CRTAC1: variants seen among roughly 807,000 people sequenced by gnomAD.
CRTAC1 encodes cartilage acidic protein 1.
In CRTAC1, 37 loss-of-function variants were observed where a neutral mutation model predicts 67.8. The observed-to-expected ratio is 0.55, with a 90% CI of 0.42 to 0.72. The LOEUF is 0.72. CRTAC1 is among the 30% of genes least tolerant of loss of function. The pLI, the probability that CRTAC1 is intolerant of heterozygous loss-of-function variation, is 0.00. For missense variants in CRTAC1, 780 were observed against 931.6 expected, an observed-to-expected ratio of 0.84 and a Z score of 2.12; for synonymous variants, 348 against 371.0, an observed-to-expected ratio of 0.94 and a Z score of 0.71.
intron 2 of CRTAC1, among the ~76,000 whole-genome samples, chr10:97,954,081 G>A (rs2051402641): frequency 1.3e-5 from 2 of 152,204 alleles, no homozygotes; most frequent in African/African-American, 4.8e-5. Flanking sequence ...CTTTGCAGCT[G>A]AGGAGCGTGG....
At chr10:97,991,200 T>C (rs1442531062) in intron 2 of CRTAC1, among the ~76,000 whole-genome samples, 1 of 150,822 alleles carries the variant, frequency 6.6e-6, no homozygotes, top group African/African-American at 2.4e-5. Context: ...GCCCAGGAGT[T>C]TGAGGCCAGC....
chr10:97,942,835 G>C (rs1041108687), intron 2 of CRTAC1, among the ~76,000 whole-genome samples: 1 of 151,880 alleles, frequency 6.6e-6, no homozygotes, highest in Admixed American at 6.6e-5. Context: ...AGGAGGCCGA[G>C]ATAGGAGGAT....
Position 97,908,000 on chromosome 10 carries a change from T to C in CRTAC1, c.850+13A>G, listed in dbSNP as rs757250923. On this transcript the variant is annotated intron_variant, in intron 6 of 14. Transcript: ENST00000370597. ...GGGGTCAGGGTGCACAGGGCATGGC[T>C]GCCTCCACTCACCAGCACTGGCCGC... 12 of 1,613,788 alleles carry C rather than the reference T, an allele frequency of 7.4e-6. No homozygotes were observed. Among genetic ancestry groups the C allele is most frequent in the South Asian group, 2.2e-5 (2 of 91,040 alleles).
intron 4 of CRTAC1, among the ~76,000 whole-genome samples, chr10:97,921,179 G>A (rs10883019): frequency 0.79 from 119,802 of 152,056 alleles, 47,351 homozygotes; most frequent in East Asian, 0.92. Flanking sequence ...GGAGTGGGGC[G>A]GGGCCTGAGA....
Position 97,975,048 on chromosome 10 carries a change from C to T in CRTAC1, c.224+36090G>A, listed in dbSNP as rs186675106. Among the ~76,000 whole-genome samples, 1 of 151,722 alleles carries T rather than the reference C, an allele frequency of 6.6e-6. No individual in the cohort carries two copies. The highest frequency in any genetic ancestry group is 2.4e-5 in the African/African-American group (1 of 41,298). On this transcript the variant is annotated intron_variant, in intron 2 of 14. Transcript: ENST00000370597. The surrounding 1 kb of genome is among the most constrained non-coding windows in gnomAD (Gnocchi z 4.8). ...AGGCCGGAGCGCGGGCAGGGACTGG[C>T]GCGGGATCGATTCCCGGGTGGCGGT...
intron 3 of CRTAC1, among the ~76,000 whole-genome samples, chr10:97,932,752 G>A (rs192177594): frequency 9.8e-5 from 15 of 152,326 alleles, no homozygotes; most frequent in Non-Finnish European, 1.6e-4. Flanking sequence ...GGTGCTGTAA[G>A]CGATGGGAAG....
chr10:97,980,557 G>A (rs1480862310), intron 2 of CRTAC1, among the ~76,000 whole-genome samples: 2 of 152,224 alleles, frequency 1.3e-5, no homozygotes, highest in Admixed American at 1.3e-4. Context: ...GACTAATGAG[G>A]TGATAGTGTC....
chr10:97,884,464 T>G, intron 11 of CRTAC1, 113 bp from the exon 12 acceptor site: 7 of 1,000,872 alleles, frequency 7.0e-6, no homozygotes, highest in Non-Finnish European at 1.0e-5. Flanking sequence ...TGAGCACTGT[T>G]CTAAGTGCTA....
At chr10:97,905,191 T>C (rs779312879) in intron 6 of CRTAC1, among the ~76,000 whole-genome samples, 4 of 152,136 alleles carry the variant, frequency 2.6e-5, no homozygotes, top group Non-Finnish European at 4.4e-5. Flanking sequence ...GCCACTCTTT[T>C]GCTTAAGCTG....
intron 2 of CRTAC1, among the ~76,000 whole-genome samples, chr10:98,000,660 G>A (rs1056881177): frequency 6.6e-6 from 1 of 152,234 alleles, no homozygotes; most frequent in Non-Finnish European, 1.5e-5. Context: ...GGGCAAAAGC[G>A]CCACCAGCCA....
At position 97,895,429 on chromosome 10, in the gene CRTAC1, G is replaced by C. The variant is rs1401230127; in HGVS notation, c.1318-16C>G. ...TGTTGAAGCCCTGCAGAGAGGGTGA[G>C]AGGCAGACACCCGGTGGGCATCAGC... is the stretch of plus-strand genomic sequence containing the variant. On this transcript the variant is annotated splice_polypyrimidine_tract_variant and intron_variant, in intron 10 of 14. Coordinates refer to ENST00000370597, the MANE Select transcript of CRTAC1 (RefSeq NM_018058.7). This position sits in a 1 kb window ranked among gnomAD's most constrained non-coding sequence, Gnocchi z 4.2. The C allele has an allele frequency of 6.3e-7, 1 of 1,577,450 alleles. No individual in the cohort carries two copies. The highest frequency in any genetic ancestry group is 1.2e-5 in the South Asian group (1 of 84,600).
intron 2 of CRTAC1, among the ~76,000 whole-genome samples, chr10:98,004,910 T>C (rs1279225022): frequency 2.0e-5 from 3 of 150,962 alleles, no homozygotes; most frequent in Non-Finnish European, 4.4e-5. Context: ...ATACATGACA[T>C]AGAAATTTCT....
chr10:97,983,501 C>T (rs971738671), intron 2 of CRTAC1, among the ~76,000 whole-genome samples: 2 of 148,354 alleles, frequency 1.3e-5, no homozygotes, highest in African/African-American at 5.3e-5. Context: ...ATTCTCCTCT[C>T]CCTCCCCTCA....
intron 11 of CRTAC1, among the ~76,000 whole-genome samples, chr10:97,885,723 C>T (rs1327743387): frequency 1.3e-5 from 2 of 152,242 alleles, no homozygotes; most frequent in East Asian, 3.9e-4. Flanking sequence ...GAGCTGTGCC[C>T]AGCACAGACA....
intron 5 of CRTAC1, among the ~76,000 whole-genome samples, chr10:97,915,156 C>G (rs543609134): frequency 5.1e-4 from 77 of 152,278 alleles, no homozygotes; most frequent in African/African-American, 1.8e-3. Flanking sequence ...CGGGTGCCAG[C>G]CTGGGGCTGT....
chr10:97,942,128 A>T (rs1292581220), intron 2 of CRTAC1, among the ~76,000 whole-genome samples: 1 of 152,094 alleles, frequency 6.6e-6, no homozygotes, highest in Non-Finnish European at 1.5e-5. Flanking sequence ...GATCTCCCTC[A>T]TTGGTATTCT....
intron 2 of CRTAC1, among the ~76,000 whole-genome samples, chr10:97,983,188 C>T (rs1458110766): frequency 1.3e-5 from 2 of 152,230 alleles, no homozygotes; most frequent in Non-Finnish European, 2.9e-5. Flanking sequence ...CCAGTAGACT[C>T]TCCTCAGTTA....
Position 97,936,315 on chromosome 10 carries a change from C to T in CRTAC1, c.276G>A (p.Leu92=). 6.2e-7 allele frequency: 1 copy of T among 1,613,502 alleles called. No homozygotes were observed. Among genetic ancestry groups the T allele is most frequent in the Non-Finnish European group, 8.5e-7 (1 of 1,179,510 alleles). ...VLKYDRAQKR[L]VNIAVDERSS... ...TGCGCTCATCGACCGCGATGTTCAC[C>T]AGCCGCTTCTGGGCCCGGTCATACT... The change falls in exon 3 of 15, where the codon CTG becomes CTA. Residue 92 remains leucine (L), a synonymous_variant. Coordinates refer to ENST00000370597, the MANE Select transcript of CRTAC1 (RefSeq NM_018058.7).
chr10:97,977,841 G>A (rs1174810251), intron 2 of CRTAC1, among the ~76,000 whole-genome samples: 4 of 152,150 alleles, frequency 2.6e-5, no homozygotes, highest in Non-Finnish European at 5.9e-5. Flanking sequence ...CCAATATGCT[G>A]TGATCATCAG....
Sources: gnomAD v4.1 joint callset for allele counts (sites outside exome capture counted in the v4.1 genomes callset) on GRCh38, gnomAD v4.1.1 for gene constraint, Gnocchi (gnomAD v3.1) non-coding constraint, MANE v1.5 for transcripts, NCBI Gene and HGNC (gene_info 2026-07-23, HGNC 2026-07-21) for gene names.